Variants in TRHDE observed in about 807,000 individuals in gnomAD.
TRHDE encodes the protein thyrotropin releasing hormone degrading enzyme, also known as thyrotropin-releasing hormone-degrading ectoenzyme.
TRHDE carries 72 observed loss-of-function variants against 125.7 expected under a neutral mutation model. The ratio of observed to expected loss-of-function variants is 0.57; its 90% CI spans 0.47 to 0.70. The LOEUF (loss-of-function observed/expected upper bound fraction) is 0.70, where lower values mean the gene tolerates loss of function less well. Ranked by LOEUF, TRHDE falls within the 30% of genes least tolerant of loss-of-function variation. The pLI, the probability that TRHDE is intolerant of heterozygous loss-of-function variation, is 0.00. For missense variants in TRHDE, 1,110 were observed against 1,327.1 expected, an observed-to-expected ratio of 0.84 and a Z score of 2.54; for synonymous variants, 509 against 509.1, an observed-to-expected ratio of 1.00 and a Z score of 0.00.
Position 72,527,546 on chromosome 12 carries a change from C to G in TRHDE, c.1723-14745C>G, listed in dbSNP as rs1364175278. ...AGACAGATAACTCTTTTCGCAGTCTCTCAAAAGGGAATATTATTGGGAATG... is the reference window on the plus strand; with the variant it reads ...AGACAGATAACTCTTTTCGCAGTCTGTCAAAAGGGAATATTATTGGGAATG... On this transcript the variant is annotated intron_variant, in intron 6 of 18. Transcript: ENST00000261180. Among the ~76,000 whole-genome samples, 4 of 149,154 alleles carry G rather than the reference C, an allele frequency of 2.7e-5. No individual in the cohort carries two copies. In the East Asian group the frequency reaches 5.9e-4, roughly 22 times the overall value.
intron 6 of TRHDE, among the ~76,000 whole-genome samples, chr12:72,533,063 C>T (rs1868642340): frequency 6.6e-6 from 1 of 151,910 alleles, no homozygotes. Flanking sequence ...GTTTATTTGC[C>T]TGTAAAACTG....
intron 3 of TRHDE, among the ~76,000 whole-genome samples, chr12:72,467,813 T>C (rs2135894634): frequency 6.6e-6 from 1 of 152,296 alleles, no homozygotes; most frequent in Middle Eastern, 3.4e-3. Flanking sequence ...AGACTCCATC[T>C]CAAACAAACA....
chr12:72,275,459 G>A (rs1879451940), intron 1 of TRHDE, among the ~76,000 whole-genome samples: 1 of 152,038 alleles, frequency 6.6e-6, no homozygotes, highest in Non-Finnish European at 1.5e-5. Context: ...CCTCCAACAT[G>A]TTCTAAAGAA....
Position 72,518,536 on chromosome 12 carries a change from T to G in TRHDE, c.1722+18901T>G, listed in dbSNP as rs1193369795. 2.6e-5 allele frequency among the ~76,000 whole-genome samples: 4 copies of G among 152,206 alleles called. No individual in the cohort carries two copies. The East Asian group carries it at 7.7e-4, about 29-fold the overall frequency. On this transcript the variant is annotated intron_variant, in intron 6 of 18. Coordinates refer to ENST00000261180, the MANE Select transcript of TRHDE (RefSeq NM_013381.3). ...CATCCTTTTATTTTGAGCCTGTGTGTGTCTCTGCATGTGAGATGGGTTTCC... is the reference window on the plus strand; with the variant it reads ...CATCCTTTTATTTTGAGCCTGTGTGGGTCTCTGCATGTGAGATGGGTTTCC...
chr12:72,595,062 A>G (rs1375168016), intron 12 of TRHDE, among the ~76,000 whole-genome samples: 1 of 139,422 alleles, frequency 7.2e-6, no homozygotes, highest in Non-Finnish European at 1.5e-5. Context: ...GAATTGAACA[A>G]TGAGAACACA....
Position 72,149,765 on chromosome 12 carries a change from G to A in TRHDE, n.279+44013G>A, listed in dbSNP as rs187305193. ...ATCTTATCCAACATCCCAAACACAA[G>A]CATATTTACTAAAATTGGGTGAAAA... On this transcript the variant is annotated intron_variant and non_coding_transcript_variant, in intron 2 of 4. Coordinates refer to the TRHDE transcript ENST00000548156. 3.3e-3 allele frequency among the ~76,000 whole-genome samples: 496 copies of A among 151,908 alleles called. 2 individuals are homozygous for A. Among genetic ancestry groups the A allele is most frequent in the Admixed American group, 9.2e-3 (140 of 15,250 alleles).
chr12:72,131,134 C>T (rs1183171477), intron 2 of TRHDE, among the ~76,000 whole-genome samples: 1 of 144,082 alleles, frequency 6.9e-6, no homozygotes, highest in Non-Finnish European at 1.5e-5. Context: ...TGCAGTGGCG[C>T]GATTTCGACT....
At chr12:72,311,832 A>G (rs937751153) in intron 2 of TRHDE, among the ~76,000 whole-genome samples, 14 of 152,312 alleles carry the variant, frequency 9.2e-5, no homozygotes, top group African/African-American at 3.4e-4. Context: ...GGGAGAATGA[A>G]ACTCATTATT....
intron 12 of TRHDE, among the ~76,000 whole-genome samples, chr12:72,612,429 C>A (rs1265224459): frequency 6.6e-6 from 1 of 152,148 alleles, no homozygotes; most frequent in Non-Finnish European, 1.5e-5. Flanking sequence ...AGGAAGAAAG[C>A]ACTTAACCCT....
At chr12:72,245,243 ATGTGTGTGTGTGTG>A (rs370752757) in intron 2 of TRHDE, among the ~76,000 whole-genome samples, 28 of 147,226 alleles carry the variant, frequency 1.9e-4, no homozygotes, top group African/African-American at 6.5e-4. Context: ...GTTTGTGTGT[ATGTGTGTGTGTGTG>A]TGTGTGTGTG....
intron 9 of TRHDE, among the ~76,000 whole-genome samples, chr12:72,563,712 T>C (rs1334055390): frequency 6.8e-6 from 1 of 146,022 alleles, no homozygotes; most frequent in African/African-American, 2.5e-5. Flanking sequence ...GATTAAAGTC[T>C]GAGCCAAAGA....
intron 1 of TRHDE, among the ~76,000 whole-genome samples, chr12:72,102,018 C>T (rs1875079251): frequency 1.3e-5 from 2 of 151,996 alleles, no homozygotes; most frequent in Admixed American, 6.6e-5. Context: ...TTGCCTCTTC[C>T]TGTCTGAATC....
At chr12:72,249,350 C>A (rs554207935) in intron 2 of TRHDE, among the ~76,000 whole-genome samples, 10 of 152,012 alleles carry the variant, frequency 6.6e-5, no homozygotes, top group African/African-American at 2.4e-4. Context: ...AGAGAAACAA[C>A]CCAATTAAAA....
intron 2 of TRHDE, among the ~76,000 whole-genome samples, chr12:72,367,978 T>A (rs1194715011): frequency 6.6e-6 from 1 of 152,208 alleles, no homozygotes; most frequent in East Asian, 1.9e-4. Context: ...AGAGAAAATG[T>A]TATTTAAGTC....
chr12:72,133,054 G>T (rs573679997), intron 2 of TRHDE, among the ~76,000 whole-genome samples: 1 of 152,308 alleles, frequency 6.6e-6, no homozygotes, highest in South Asian at 2.1e-4. Context: ...TGCAGAATCG[G>T]TGCCATGATG....
intron 7 of TRHDE, among the ~76,000 whole-genome samples, chr12:72,549,689 A>G (rs760189661): frequency 1.3e-5 from 2 of 151,856 alleles, no homozygotes; most frequent in Non-Finnish European, 2.9e-5. Flanking sequence ...CGGAAAATTA[A>G]TGAGCATGTT....
intron 2 of TRHDE, among the ~76,000 whole-genome samples, chr12:72,308,009 C>G (rs1424315133): frequency 2.6e-5 from 4 of 152,040 alleles, no homozygotes; most frequent in African/African-American, 9.7e-5. Flanking sequence ...TATGGTCTAG[C>G]ATGCTTCAGA....
intron 2 of TRHDE, among the ~76,000 whole-genome samples, chr12:72,304,217 C>T (rs1868305762): frequency 6.6e-6 from 1 of 151,746 alleles, no homozygotes; most frequent in Non-Finnish European, 1.5e-5. Context: ...AATATTTTGC[C>T]CTTATTGGTA....
chr12:72,439,363 G>A (rs761598695), intron 3 of TRHDE, among the ~76,000 whole-genome samples: 14 of 151,696 alleles, frequency 9.2e-5, no homozygotes, highest in South Asian at 4.1e-4. Context: ...GATAGCAATT[G>A]CATTGAATCT....
Sources: gnomAD v4.1 joint callset for allele counts (sites outside exome capture counted in the v4.1 genomes callset) on GRCh38, gnomAD v4.1.1 for gene constraint, MANE v1.5 for transcripts, NCBI Gene and HGNC (gene_info 2026-07-23, HGNC 2026-07-21) for gene names.